Variants in PLAUR observed in about 807,000 individuals in gnomAD.
The protein encoded by PLAUR is plasminogen activator, urokinase receptor.
PLAUR carries 22 observed loss-of-function variants against 33.4 expected under a neutral mutation model. The ratio of observed to expected loss-of-function variants is 0.66; its 90% CI spans 0.47 to 0.94. The LOEUF (loss-of-function observed/expected upper bound fraction) is 0.94. PLAUR is among the 40% of genes least tolerant of loss of function. The pLI, the probability that PLAUR is intolerant of heterozygous loss-of-function variation, is 0.00. For synonymous variants in PLAUR, 148 were observed against 167.3 expected (o/e 0.88, Z 0.89); for missense variants, 408 against 434.7 (o/e 0.94, Z 0.55).
At position 43,662,326 on chromosome 19, in the gene PLAUR, T is replaced by C. The variant is rs1163906447; in HGVS notation, c.310+2990A>G. 2.0e-5 allele frequency among the ~76,000 whole-genome samples: 3 copies of C among 151,974 alleles called. No individual in the cohort carries two copies. The East Asian group carries it at 5.8e-4, about 29-fold the overall frequency. ...GCCTGGCCAACATGGTGAAACCCCA[T>C]CTCTACTAAAAATTCAAAAAAATTA... On this transcript the variant is annotated intron_variant, in intron 3 of 6. Coordinates refer to ENST00000340093, the MANE Select transcript of PLAUR (RefSeq NM_002659.4).
At chr19:43,663,778 T>A (rs1346116994) in intron 3 of PLAUR, among the ~76,000 whole-genome samples, 1 of 128,662 alleles carries the variant, frequency 7.8e-6, no homozygotes, top group Non-Finnish European at 1.6e-5. Context: ...TGAAACTCCA[T>A]CTCAAACGAA....
chr19:43,655,476 C>T lies in PLAUR; in HGVS notation c.570G>A (p.Leu190=). Residue 190 remains leucine (L), a synonymous_variant, in exon 5 of 7, where the codon CTG becomes CTA. Transcript: ENST00000340093. ...GFHNNDTFHF[L]KCCNTTKCNE... Reference sequence around the variant, plus strand: ...TGCATTTGGTGGTGTTGCAGCATTTCAGGAAGTGGAAGGTGTCGTTGTTGT... The same window carrying T: ...TGCATTTGGTGGTGTTGCAGCATTTTAGGAAGTGGAAGGTGTCGTTGTTGT... The T allele has an allele frequency of 1.2e-6, 2 of 1,614,180 alleles. No homozygotes were observed. Among genetic ancestry groups the T allele is most frequent in the Non-Finnish European group, 1.7e-6 (2 of 1,180,030 alleles).
At chr19:43,670,001 G>T in intron 1 of PLAUR, 65 bp downstream of exon 1, 1 of 1,495,058 alleles carries the variant, frequency 6.7e-7, no homozygotes, top group Admixed American at 1.8e-5. Flanking sequence ...CTCATCCTCT[G>T]ACAACCCCCA....
chr19:43,669,876 A>G (rs1480777948), intron 1 of PLAUR, among the ~76,000 whole-genome samples, 190 bp downstream of exon 1: 1 of 151,912 alleles, frequency 6.6e-6, no homozygotes, highest in African/African-American at 2.4e-5. Flanking sequence ...TTGCTCCACT[A>G]ATATTTCCTT....
chr19:43,657,497 G>A (rs544833061), intron 3 of PLAUR, among the ~76,000 whole-genome samples: 7 of 152,286 alleles, frequency 4.6e-5, no homozygotes, highest in South Asian at 2.1e-4. Flanking sequence ...TGCATATGCC[G>A]TTGTTTCTGT....
At chr19:43,665,120 A>G (rs1289261625) in intron 3 of PLAUR, 196 bp downstream of exon 3, 11 of 599,462 alleles carry the variant, frequency 1.8e-5, no homozygotes, top group Non-Finnish European at 3.0e-5. Context: ...GGTGAAGTTG[A>G]GTTGGGGTTG....
intron 6 of PLAUR, among the ~76,000 whole-genome samples, chr19:43,650,730 A>G (rs920668553): frequency 3.9e-5 from 6 of 152,182 alleles, no homozygotes; most frequent in African/African-American, 1.4e-4. Context: ...TCATAAATAA[A>G]TCTTTAAAGA....
chr19:43,669,260 CTCAG>C lies in PLAUR; in HGVS notation c.55+802_55+805del, dbSNP rs1020213994. On this transcript the variant is annotated intron_variant, in intron 1 of 6. Transcript: ENST00000340093. ...GGTCTCCAGCACTGGCTCTGCGCCG[CTCAG>C]TCAGCCTCCCTTTGGGCCTTTTGTA... Among the ~76,000 whole-genome samples, 107 of 152,314 alleles carry C rather than the reference CTCAG, an allele frequency of 7.0e-4. 1 individual carries two copies. Among genetic ancestry groups the C allele is most frequent in the African/African-American group, 2.5e-3 (102 of 41,578 alleles).
chr19:43,648,050 G>T (rs1273428711), downstream of PLAUR, among the ~76,000 whole-genome samples: 1 of 151,428 alleles, frequency 6.6e-6, no homozygotes, highest in African/African-American at 2.4e-5. Context: ...GGGTTGGAAA[G>T]TCTCTGGTCG....
At chr19:43,665,235 G>A in intron 3 of PLAUR, 81 bp downstream of exon 3, 4 of 1,459,912 alleles carry the variant, frequency 2.7e-6, no homozygotes, top group Non-Finnish European at 3.8e-6. Context: ...CTGATGTAAA[G>A]TTAAGAATAG....
rs370522299 is a variant in PLAUR at position 43,655,404 on chromosome 19, G to A, written c.607+35C>T. 46 of 1,599,716 alleles carry A rather than the reference G, an allele frequency of 2.9e-5. 1 individual carries two copies. In the South Asian group the frequency reaches 4.0e-4, roughly 14 times the overall value. On this transcript the variant is annotated intron_variant, in intron 5 of 6. Transcript: ENST00000340093. Reference sequence around the variant, plus strand: ...TCTGCCTGAGTGCATGCCCCTGCCCGACCCCAGGCCTTGCCTGTGTCTCCC... The same window carrying A: ...TCTGCCTGAGTGCATGCCCCTGCCCAACCCCAGGCCTTGCCTGTGTCTCCC...
chr19:43,648,917 C>T lies in PLAUR; in HGVS notation c.981G>A (p.Leu327=). The T allele has an allele frequency of 1.9e-6, 3 of 1,613,916 alleles. No individual in the cohort carries two copies. The highest frequency in any genetic ancestry group is 2.5e-6 in the Non-Finnish European group (3 of 1,179,878). ...AGGTCCAGAGGAGAGTGCCTCCCCACAGTCTGGCAGTCATTAGCAGGGTGA... is the reference window on the plus strand; with the variant it reads ...AGGTCCAGAGGAGAGTGCCTCCCCATAGTCTGGCAGTCATTAGCAGGGTGA... ...LTITLLMTAR[L]WGGTLLWT Residue 327 remains leucine (L), a synonymous_variant, in exon 7 of 7, where the codon CTG becomes CTA. Transcript: ENST00000340093.
chr19:43,647,616 G>A (rs1374589695), downstream of PLAUR, among the ~76,000 whole-genome samples: 2 of 152,100 alleles, frequency 1.3e-5, no homozygotes, highest in Non-Finnish European at 2.9e-5. Flanking sequence ...AGACCAGCCT[G>A]AACAACATGG....
Position 43,655,513 on chromosome 19 carries a change from G to C in PLAUR, c.533C>G (p.Ser178Cys). The change falls in exon 5 of 7, where the codon TCC (serine) becomes TGC (cysteine). Residue 178 changes from serine (S) to cysteine (C), a missense_variant. Coordinates refer to ENST00000340093, the MANE Select transcript of PLAUR (RefSeq NM_002659.4). ...GCGYLPGCPG[S>C]NGFHNNDTFH... is the part of the protein sequence containing the mutation. ...GGTGTCGTTGTTGTGGAAACCATTG[G>C]AGCCCGGGCAGCCGGGAAGGTAGCC... 1 of 1,614,202 alleles carries C rather than the reference G, an allele frequency of 6.2e-7. No individual in the cohort carries two copies. Among genetic ancestry groups the C allele is most frequent in the Non-Finnish European group, 8.5e-7 (1 of 1,180,028 alleles).
At chr19:43,664,806 C>G (rs1057170636) in intron 3 of PLAUR, among the ~76,000 whole-genome samples, 1 of 152,194 alleles carries the variant, frequency 6.6e-6, no homozygotes, top group Non-Finnish European at 1.5e-5. Flanking sequence ...ATGGATTGGG[C>G]AGGACCATCT....
intron 3 of PLAUR, 190 bp downstream of exon 3, chr19:43,665,126 G>T: frequency 1.7e-6 from 1 of 606,002 alleles, no homozygotes; most frequent in African/African-American, 1.8e-5. Flanking sequence ...GTTGAGTTGG[G>T]GTTGGATATG....
Position 43,649,062 on chromosome 19 carries a change from C to T in PLAUR, c.836G>A (p.Ser279Asn). ...CQHAHLGDAF[S>N]MNHIDVSCCT... ...GCAGGAGACATCAATGTGGTTCATG[C>T]TGAAGGCGTCACCCAGGTGGGCATG... Residue 279 changes from serine to asparagine, a missense_variant, in exon 7 of 7, where the codon AGC (serine) becomes AAC (asparagine). Physicochemically the swap from Ser to Asn is conservative, Grantham distance 46. Transcript: ENST00000340093. The T allele has an allele frequency of 6.2e-7, 1 of 1,614,180 alleles. No homozygotes were observed. Among genetic ancestry groups the T allele is most frequent in the South Asian group, 1.1e-5 (1 of 91,088 alleles).
At position 43,648,776 on chromosome 19, in the gene PLAUR, A is replaced by G; in HGVS notation, c.*114T>C. ...TTCATAGCTGGGAAAACTGAGGCCC[A>G]GAGAGGTCGGCACACTGGCCTGAGG... On this transcript the variant is annotated 3_prime_UTR_variant, in exon 7 of 7. Transcript: ENST00000340093. 2 of 1,173,988 alleles carry G rather than the reference A, an allele frequency of 1.7e-6. No individual in the cohort carries two copies. The highest frequency in any genetic ancestry group is 3.0e-4 in the Middle Eastern group (1 of 3,338). The allele number at this position is 1,173,988 out of a possible 1,614,324, so 72.7% of individuals were successfully genotyped here. A position where few individuals can be genotyped will look rare whatever the true frequency, so the allele number is the denominator to read the frequency against.
intron 6 of PLAUR, 93 bp downstream of exon 6, chr19:43,652,131 AC>A: frequency 6.4e-7 from 1 of 1,564,166 alleles, no homozygotes. Flanking sequence ...AGGGAGACCC[AC>A]CACAGTTAAC....
Sources: gnomAD v4.1 joint callset for allele counts (sites outside exome capture counted in the v4.1 genomes callset) on GRCh38, gnomAD v4.1.1 for gene constraint, MANE v1.5 for transcripts, NCBI Gene and HGNC (gene_info 2026-07-23, HGNC 2026-07-21) for gene names.